The following ANKS1B variants were observed in gnomAD, a reference collection of about 807,000 sequenced individuals.
The protein encoded by ANKS1B is ankyrin repeat and sterile alpha motif domain-containing protein 1B.
Under a neutral mutation model 148.3 loss-of-function variants are expected in ANKS1B, and 36 were observed. The ratio of observed to expected loss-of-function variants is 0.24; its 90% CI spans 0.19 to 0.32. The LOEUF is 0.32. Ranked by LOEUF, ANKS1B falls within the 10% of genes least tolerant of loss-of-function variation. The pLI is 1.00. For synonymous variants in ANKS1B, 542 were observed against 560.8 expected, an observed-to-expected ratio of 0.97 and a Z score of 0.47; for missense variants, 1,157 against 1,542.6, an observed-to-expected ratio of 0.75 and a Z score of 4.19.
chr12:98,877,876 T>G (rs1411544287), intron 17 of ANKS1B, among the ~76,000 whole-genome samples: 3 of 152,178 alleles, frequency 2.0e-5, no homozygotes, highest in Non-Finnish European at 4.4e-5. Context: ...CCAACACCAC[T>G]TATTCCATAT....
At chr12:99,153,264 T>A (rs2153821364) in intron 15 of ANKS1B, among the ~76,000 whole-genome samples, 1 of 152,292 alleles carries the variant, frequency 6.6e-6, no homozygotes, top group South Asian at 2.1e-4. Flanking sequence ...CAGCTGTCAC[T>A]ATTGTGTTAT....
chr12:98,861,298 T>C (rs2099598056), intron 17 of ANKS1B, among the ~76,000 whole-genome samples: 2 of 152,220 alleles, frequency 1.3e-5, no homozygotes, highest in African/African-American at 4.8e-5. Context: ...TTTCTAGGGC[T>C]GAGGGGGCGC....
rs1350245435 is a variant in ANKS1B at position 99,798,715 on chromosome 12, C to T, written c.669+7689G>A. On this transcript the variant is annotated intron_variant, in intron 4 of 26. Transcript: ENST00000683438. ...ATGGCACAAGAGAAATATGACATGT[C>T]TTCAAATAATTCAGAATACCATTGT... is the stretch of plus-strand genomic sequence containing the variant. Among the ~76,000 whole-genome samples, 7 of 152,156 alleles carry T rather than the reference C, an allele frequency of 4.6e-5. No individual in the cohort carries two copies. The East Asian group carries it at 9.7e-4, about 21-fold the overall frequency.
intron 12 of ANKS1B, among the ~76,000 whole-genome samples, chr12:99,346,850 A>G (rs2090762044): frequency 6.6e-6 from 1 of 151,794 alleles, no homozygotes; most frequent in African/African-American, 2.4e-5. Flanking sequence ...CTTCCCCTTC[A>G]CCTACTGCCA....
intron 10 of ANKS1B, among the ~76,000 whole-genome samples, chr12:99,475,268 C>T (rs1395040034): frequency 1.4e-5 from 2 of 147,806 alleles, no homozygotes; most frequent in Non-Finnish European, 3.0e-5. Context: ...AAAAAAAAAA[C>T]CTCAAAAGCT....
At chr12:99,878,032 G>A (rs544348360) in intron 1 of ANKS1B, among the ~76,000 whole-genome samples, 10 of 152,144 alleles carry the variant, frequency 6.6e-5, no homozygotes, top group Non-Finnish European at 1.5e-4. Flanking sequence ...TCCAGCCTGG[G>A]TGACAGAGTG....
Position 99,850,281 on chromosome 12 carries a change from G to GTCTCTCTCTCTCTC in ANKS1B, c.135-24906_135-24893dup, listed in dbSNP as rs71436968. On this transcript the variant is annotated intron_variant, in intron 1 of 26. Coordinates refer to ENST00000683438, the MANE Select transcript of ANKS1B (RefSeq NM_001352186.2). ...TTGAGAAAACAGCAGAAGCAAGAAAGTCTCTCTCTCTCTCTCTCTCTCTCT... is the reference window on the plus strand; with the variant it reads ...TTGAGAAAACAGCAGAAGCAAGAAAGTCTCTCTCTCTCTCTCTCTCTCTCTCTCTCTCTCTCTCT... 5.2e-3 allele frequency among the ~76,000 whole-genome samples: 594 copies of GTCTCTCTCTCTCTC among 114,198 alleles called. 17 individuals are homozygous for GTCTCTCTCTCTCTC. The highest frequency in any genetic ancestry group is 0.02 in the African/African-American group (558 of 27,776). 74.9% of individuals were successfully genotyped at this position (114,198 alleles called of 152,430 possible).
At chr12:99,264,266 T>C (rs2076216740) in intron 12 of ANKS1B, among the ~76,000 whole-genome samples, 1 of 152,206 alleles carries the variant, frequency 6.6e-6, no homozygotes, top group African/African-American at 2.4e-5. Context: ...CTGCTACACT[T>C]TTCGTTCTAA....
chr12:99,866,837 AT>A (rs1291918675), intron 1 of ANKS1B, among the ~76,000 whole-genome samples: 1 of 152,144 alleles, frequency 6.6e-6, no homozygotes, highest in Non-Finnish European at 1.5e-5. Context: ...TAAGGCCATA[AT>A]TTTATAGATA....
chr12:99,962,067 TTTAG>T (rs373151902), intron 1 of ANKS1B, among the ~76,000 whole-genome samples: 339 of 152,190 alleles, frequency 2.2e-3, no homozygotes, highest in African/African-American at 7.9e-3. Context: ...TCCAGGCTGG[TTTAG>T]TTGTTTTTTT....
chr12:99,479,524 C>A (rs539653464), intron 10 of ANKS1B, among the ~76,000 whole-genome samples: 1 of 152,052 alleles, frequency 6.6e-6, no homozygotes, highest in South Asian at 2.1e-4. Context: ...CATGTATATA[C>A]AATGGAATAC....
chr12:98,891,169 A>C (rs1312781427), intron 17 of ANKS1B, among the ~76,000 whole-genome samples: 1 of 152,220 alleles, frequency 6.6e-6, no homozygotes, highest in East Asian at 1.9e-4. Context: ...AACAGAGAAG[A>C]TTAGAACTTG....
chr12:99,774,717 C>T (rs1170214763), intron 7 of ANKS1B, among the ~76,000 whole-genome samples: 1 of 151,990 alleles, frequency 6.6e-6, no homozygotes, highest in East Asian at 1.9e-4. Flanking sequence ...ACAGCCAAGA[C>T]ATGAAAACAA....
chr12:98,942,710 A>C lies in ANKS1B; in HGVS notation c.2778+110447T>G, dbSNP rs1417462607. 1.3e-5 allele frequency among the ~76,000 whole-genome samples: 2 copies of C among 152,262 alleles called. 1 individual carries two copies. Among genetic ancestry groups the C allele is most frequent in the Non-Finnish European group, 2.9e-5 (2 of 68,050 alleles). On this transcript the variant is annotated intron_variant, in intron 17 of 26. Transcript: ENST00000683438. ...ATTGCTTTGCACGCAGTGAGGGTGA[A>C]GTAAATATTTGTTCAATATATAACG...
intron 14 of ANKS1B, among the ~76,000 whole-genome samples, chr12:99,224,841 CTG>C: frequency 6.6e-6 from 1 of 152,164 alleles, no homozygotes; most frequent in East Asian, 1.9e-4. Context: ...CTTTCTGACA[CTG>C]TATCTCATAA....
Position 98,751,706 on chromosome 12 carries a change from A to G in ANKS1B, c.3580-184T>C, listed in dbSNP as rs1298402964. 6.6e-6 allele frequency among the ~76,000 whole-genome samples: 1 copy of G among 152,254 alleles called. No homozygotes were observed. The highest frequency in any genetic ancestry group is 1.5e-5 in the Non-Finnish European group (1 of 68,040). ...CCGGGTCCAACTTAGGGTTTACACCAGGCTTTAGTCATTTGTGAAAAGAAA... is the reference window on the plus strand; with the variant it reads ...CCGGGTCCAACTTAGGGTTTACACCGGGCTTTAGTCATTTGTGAAAAGAAA... On this transcript the variant is annotated intron_variant, in intron 25 of 26. Transcript: ENST00000683438. The surrounding 1 kb of genome is among the most constrained non-coding windows in gnomAD (Gnocchi z 4.3).
intron 12 of ANKS1B, among the ~76,000 whole-genome samples, chr12:99,344,310 C>T (rs746141847): frequency 2.4e-4 from 36 of 152,020 alleles, no homozygotes; most frequent in Admixed American, 9.2e-4. Context: ...GAGAAAGCTT[C>T]CCTGTTTCTG....
intron 9 of ANKS1B, among the ~76,000 whole-genome samples, chr12:99,630,171 T>C (rs1802714653): frequency 6.6e-6 from 1 of 152,150 alleles, no homozygotes; most frequent in South Asian, 2.1e-4. Context: ...CATATTTCTA[T>C]ATGTAAATAC....
At chr12:99,023,617 T>G (rs1243115299) in intron 17 of ANKS1B, among the ~76,000 whole-genome samples, 2 of 151,962 alleles carry the variant, frequency 1.3e-5, no homozygotes, top group Non-Finnish European at 2.9e-5. Context: ...AGTTGTGAGT[T>G]TCTTTTTATT....
Sources: allele counts gnomAD v4.1 joint callset (sites outside exome capture counted in the v4.1 genomes callset), GRCh38; gene constraint gnomAD v4.1.1; non-coding constraint Gnocchi (gnomAD v3.1); transcripts MANE v1.5; gene names NCBI Gene and HGNC (gene_info 2026-07-23, HGNC 2026-07-21).